The following ZNF521 variants were observed in gnomAD, a reference collection of about 807,000 sequenced individuals.
ZNF521 encodes LYST-interacting protein 3.
Under a neutral mutation model 105.5 loss-of-function variants are expected in ZNF521, and 14 were observed. The ratio of observed to expected loss-of-function variants is 0.13; its 90% CI spans 0.09 to 0.21. The LOEUF is 0.21. Among genes scored for constraint, ZNF521 ranks in the 10% least tolerant of loss-of-function variants. The pLI, the probability that ZNF521 is intolerant of heterozygous loss-of-function variation, is 1.00. For missense variants in ZNF521, 1,233 were observed against 1,629.7 expected (o/e 0.76, Z 4.19); for synonymous variants, 635 against 606.0 (o/e 1.05, Z -0.70).
chr18:25,336,894 G>A (rs1345040529), intron 2 of ZNF521, among the ~76,000 whole-genome samples: 1 of 152,186 alleles, frequency 6.6e-6, no homozygotes, highest in African/African-American at 2.4e-5. Context: ...ATATCTACCA[G>A]ACACTATTCT....
At chr18:25,214,546 T>A (rs1442331295) in intron 4 of ZNF521, among the ~76,000 whole-genome samples, 1 of 152,208 alleles carries the variant, frequency 6.6e-6, no homozygotes, top group Non-Finnish European at 1.5e-5. Context: ...ACTATCCCTC[T>A]AAGTGGTGCA....
intron 7 of ZNF521, among the ~76,000 whole-genome samples, chr18:25,081,388 G>A (rs1206888597): frequency 6.6e-6 from 1 of 152,152 alleles, no homozygotes; most frequent in Non-Finnish European, 1.5e-5. Flanking sequence ...AGAAATTAAT[G>A]GATGGAGAAT....
At chr18:25,153,153 C>T (rs931851936) in intron 5 of ZNF521, among the ~76,000 whole-genome samples, 15 of 152,084 alleles carry the variant, frequency 9.9e-5, no homozygotes, top group African/African-American at 3.6e-4. Context: ...CTAAGTGGAT[C>T]GTAATGCTGT....
intron 3 of ZNF521, among the ~76,000 whole-genome samples, chr18:25,295,369 G>A (rs1025755338): frequency 6.6e-6 from 1 of 152,162 alleles, no homozygotes; most frequent in African/African-American, 2.4e-5. Context: ...ATGCCATTAT[G>A]TTAGAAAGAA....
intron 7 of ZNF521, among the ~76,000 whole-genome samples, chr18:25,082,047 T>C (rs1426379092): frequency 1.3e-5 from 2 of 152,170 alleles, no homozygotes; most frequent in Non-Finnish European, 2.9e-5. Flanking sequence ...ATGATTCGGT[T>C]CCTGGAGATC....
In ZNF521 at chr18:25,153,650, T is replaced by C. The variant is rs1464795438; in HGVS notation, c.3658+41510A>G. On this transcript the variant is annotated intron_variant, in intron 5 of 7. Coordinates refer to ENST00000361524, the MANE Select transcript of ZNF521 (RefSeq NM_015461.3). ...TGTCTCCACAGAGAATCACAGATGC[T>C]GTCAGGACCGAACTTCACACTCAAA... Among the ~76,000 whole-genome samples the C allele has an allele frequency of 5.3e-5, 8 of 152,266 alleles. No individual in the cohort carries two copies. In the South Asian group the frequency reaches 1.7e-3, roughly 32 times the overall value.
chr18:25,174,509 G>A (rs558879168), intron 5 of ZNF521, among the ~76,000 whole-genome samples: 60 of 152,308 alleles, frequency 3.9e-4, no homozygotes, highest in African/African-American at 1.4e-3. Flanking sequence ...GGGAGACAGC[G>A]AGTGTTTGGA....
chr18:25,340,866 G>A (rs11874226), intron 2 of ZNF521, among the ~76,000 whole-genome samples: 70,033 of 151,914 alleles, frequency 0.46, 16,444 homozygotes, highest in Middle Eastern at 0.51. Context: ...TATGCAAATC[G>A]GCAAGTATAA....
At chr18:25,152,664 TTG>T (rs912844479) in intron 5 of ZNF521, among the ~76,000 whole-genome samples, 2 of 152,048 alleles carry the variant, frequency 1.3e-5, no homozygotes, top group African/African-American at 4.8e-5. Context: ...AATTATGATA[TTG>T]TGTTATGGTA....
intron 3 of ZNF521, among the ~76,000 whole-genome samples, chr18:25,304,096 A>G (rs1440347942): frequency 6.6e-6 from 1 of 152,246 alleles, no homozygotes; most frequent in Non-Finnish European, 1.5e-5. Flanking sequence ...TTCACTGAAG[A>G]AAATTTACAT....
intron 5 of ZNF521, among the ~76,000 whole-genome samples, chr18:25,146,601 CTG>C (rs1409468022): frequency 5.9e-5 from 9 of 152,164 alleles, no homozygotes; most frequent in Non-Finnish European, 1.3e-4. Flanking sequence ...ATTAGAAAAA[CTG>C]TTTTTCACTT....
chr18:25,076,443 A>G (rs2033364323), intron 7 of ZNF521, among the ~76,000 whole-genome samples: 1 of 152,190 alleles, frequency 6.6e-6, no homozygotes, highest in African/African-American at 2.4e-5. Context: ...TAGGAGTCAT[A>G]TTCTTCTTAG....
chr18:25,195,221 C>T lies in ZNF521; in HGVS notation c.3597G>A (p.Lys1199=), dbSNP rs1140026. 0.24 allele frequency: 378,382 copies of T among 1,593,860 alleles called. 46,013 individuals carry two copies. Among genetic ancestry groups the T allele is most frequent in the Middle Eastern group, 0.31 (1,865 of 5,990 alleles). Residue 1199 remains lysine, a synonymous_variant, in exon 5 of 8, where the codon AAG becomes AAA. Transcript: ENST00000361524. ...SDEKKTYQCI[K]CQMVFYNEWD... Reference sequence around the variant, plus strand: ...ATTCATTGTAGAAAACCATCTGACACTTGATGCATTGATAGGTCTTCTTCT... The same window carrying T: ...ATTCATTGTAGAAAACCATCTGACATTTGATGCATTGATAGGTCTTCTTCT...
At chr18:25,070,457 TAGA>T (rs2144121264) in intron 7 of ZNF521, among the ~76,000 whole-genome samples, 1 of 152,252 alleles carries the variant, frequency 6.6e-6, no homozygotes, top group Non-Finnish European at 1.5e-5. Flanking sequence ...CAAAGCAACC[TAGA>T]AGACCATCCA....
chr18:25,102,832 G>A (rs1169172668), intron 5 of ZNF521, among the ~76,000 whole-genome samples: 1 of 152,144 alleles, frequency 6.6e-6, no homozygotes, highest in Non-Finnish European at 1.5e-5. Flanking sequence ...TACAATGTAA[G>A]TTGTCAAGGA....
chr18:25,086,413 T>C (rs1477111618), intron 7 of ZNF521, among the ~76,000 whole-genome samples: 3 of 152,054 alleles, frequency 2.0e-5, no homozygotes, highest in Non-Finnish European at 4.4e-5. Flanking sequence ...TGCCAAAAGT[T>C]AAAATATAAA....
chr18:25,231,250 AAGACCTC>A (rs1361424149), intron 3 of ZNF521, among the ~76,000 whole-genome samples: 3 of 152,156 alleles, frequency 2.0e-5, no homozygotes, highest in African/African-American at 7.2e-5. Flanking sequence ...TCCTGCAAGG[AAGACCTC>A]CATCTCAGGC....
chr18:25,340,484 G>A (rs1243368113), intron 2 of ZNF521, among the ~76,000 whole-genome samples: 1 of 152,184 alleles, frequency 6.6e-6, no homozygotes, highest in Non-Finnish European at 1.5e-5. Context: ...AAGTAAGGCT[G>A]TCCAAACTGC....
intron 5 of ZNF521, among the ~76,000 whole-genome samples, chr18:25,097,483 G>C (rs2033877062): frequency 1.3e-5 from 2 of 152,102 alleles, no homozygotes; most frequent in South Asian, 4.1e-4. Context: ...GAGTTGCCAT[G>C]AAAATGAATG....
Sources: allele counts gnomAD v4.1 joint callset (sites outside exome capture counted in the v4.1 genomes callset), GRCh38; gene constraint gnomAD v4.1.1; transcripts MANE v1.5; gene names NCBI Gene and HGNC (gene_info 2026-07-23, HGNC 2026-07-21).